C12orf50: variants seen among roughly 807,000 people sequenced by gnomAD.
C12orf50 encodes the protein zinc finger CCCH-type containing 11D.
C12orf50 carries 35 observed loss-of-function variants against 61.6 expected under a neutral mutation model. That is an observed-to-expected ratio of 0.57 (90% confidence interval 0.43 to 0.75). C12orf50 has a LOEUF of 0.75. C12orf50 is among the 30% of genes least tolerant of loss of function. The pLI, the probability that C12orf50 is intolerant of heterozygous loss-of-function variation, is 0.00. For missense variants in C12orf50, 475 were observed against 488.5 expected, an observed-to-expected ratio of 0.97 and a Z score of 0.26; for synonymous variants, 178 against 161.5, an observed-to-expected ratio of 1.10 and a Z score of -0.77.
chr12:88,010,918 T>C (rs1360813179), intron 3 of C12orf50, among the ~76,000 whole-genome samples: 4 of 152,124 alleles, frequency 2.6e-5, no homozygotes, highest in Admixed American at 6.5e-5. Flanking sequence ...TATTATTATA[T>C]CTTCATTGAT....
intron 3 of C12orf50, among the ~76,000 whole-genome samples, chr12:88,016,185 T>G (rs1340892920): frequency 1.3e-5 from 2 of 152,126 alleles, no homozygotes; most frequent in Admixed American, 6.5e-5. Context: ...TTATCTTATT[T>G]TAACCTGAGA....
In C12orf50 at chr12:87,996,519, A is replaced by G. The variant is rs569350425; in HGVS notation, c.368-32T>C. The G allele has an allele frequency of 3.1e-6, 5 of 1,589,444 alleles. No individual in the cohort carries two copies. In the South Asian group the frequency reaches 3.3e-5, roughly 11 times the overall value. The stretch of plus-strand genomic sequence containing the variant: ...AACCATAAGAAAAGTAATGGTTAGT[A>G]TATTTATCACATCAAGTATTAGAAA... On this transcript the variant is annotated intron_variant, in intron 5 of 12. Transcript: ENST00000298699.
At chr12:88,003,741 T>C (rs1270275224) in intron 3 of C12orf50, among the ~76,000 whole-genome samples, 1 of 152,126 alleles carries the variant, frequency 6.6e-6, no homozygotes, top group East Asian at 1.9e-4. Flanking sequence ...AATTTGCCTT[T>C]ATCACTGGTA....
chr12:88,025,001 G>A (rs998361504), intron 3 of C12orf50, among the ~76,000 whole-genome samples: 4 of 152,076 alleles, frequency 2.6e-5, no homozygotes, highest in African/African-American at 7.2e-5. Flanking sequence ...GGAAGGATTT[G>A]GTGACAGCAA....
chr12:88,008,331 C>T (rs1384677198), intron 3 of C12orf50, among the ~76,000 whole-genome samples: 1 of 152,130 alleles, frequency 6.6e-6, no homozygotes, highest in African/African-American at 2.4e-5. Flanking sequence ...TTTTCTGTTA[C>T]TGCATTAGTT....
rs779302447 is a variant in C12orf50, at chr12:87,986,033, G to A, written c.943C>T (p.Gln315Ter). ...MQRAVQAPRPQNKMSYHRNNK... is the reference protein window; with the variant it reads ...MQRAVQAPRP ...TTGCGGTGATAACTCATTTTATTTT[G>A]GGGTCTTGGGGCCTGTACTGCTGTA... is the stretch of plus-strand genomic sequence containing the variant. The change falls in exon 11 of 13, where the codon CAA (glutamine) becomes TAA (stop). Residue 315 changes from glutamine (Q) to a stop codon, truncating the protein, a stop_gained. Coordinates refer to ENST00000298699, the MANE Select transcript of C12orf50 (RefSeq NM_152589.3). LOFTEE classifies it high-confidence loss of function. 1 of 1,613,704 alleles carries A rather than the reference G, an allele frequency of 6.2e-7. No individual in the cohort carries two copies. The highest frequency in any genetic ancestry group is 1.1e-5 in the South Asian group (1 of 91,068).
chr12:88,016,031 TC>T (rs1468915044), intron 3 of C12orf50, among the ~76,000 whole-genome samples: 1 of 152,110 alleles, frequency 6.6e-6, no homozygotes, highest in Non-Finnish European at 1.5e-5. Flanking sequence ...GGCAAGTGCC[TC>T]ATACTGGAAG....
intron 1 of C12orf50, among the ~76,000 whole-genome samples, chr12:88,027,274 A>G (rs1461765427): frequency 1.3e-5 from 2 of 152,250 alleles, no homozygotes; most frequent in Admixed American, 1.3e-4. Flanking sequence ...TCTAATGGTT[A>G]CATAGTACAA....
chr12:88,015,620 T>A (rs930564751), intron 3 of C12orf50, among the ~76,000 whole-genome samples: 1 of 152,212 alleles, frequency 6.6e-6, no homozygotes, highest in Non-Finnish European at 1.5e-5. Context: ...TAACTTCTAG[T>A]GCATACCATA....
At chr12:88,006,081 T>C (rs1007994571) in intron 3 of C12orf50, among the ~76,000 whole-genome samples, 1 of 151,980 alleles carries the variant, frequency 6.6e-6, no homozygotes, top group African/African-American at 2.4e-5. Flanking sequence ...CACGCCCCGC[T>C]AATTTTTTGT....
At chr12:88,018,272 C>T (rs1373676514) in intron 3 of C12orf50, among the ~76,000 whole-genome samples, 1 of 152,188 alleles carries the variant, frequency 6.6e-6, no homozygotes, top group African/African-American at 2.4e-5. Context: ...CAAGATACAG[C>T]TCAGGCCGTG....
intron 1 of C12orf50, chr12:88,027,624 C>A (rs921132677): frequency 6.6e-6 from 1 of 151,910 alleles, no homozygotes; most frequent in African/African-American, 2.4e-5. Context: ...GTGCTTTGTG[C>A]CTTTGGCTTA....
intron 3 of C12orf50, among the ~76,000 whole-genome samples, chr12:88,013,764 T>A (rs2032201385): frequency 6.6e-6 from 1 of 152,212 alleles, no homozygotes; most frequent in Admixed American, 6.5e-5. Context: ...AGTTACAAAA[T>A]GTCTTAAAAA....
At chr12:88,028,684 T>G (rs1340436946) in intron 1 of C12orf50, among the ~76,000 whole-genome samples, 1 of 152,136 alleles carries the variant, frequency 6.6e-6, no homozygotes, top group African/African-American at 2.4e-5. Flanking sequence ...TGAATTCAAC[T>G]ATTTGAATTA....
At position 88,021,136 on chromosome 12, in the gene C12orf50, A is replaced by G. The variant is rs551909986; in HGVS notation, c.133+5352T>C. On this transcript the variant is annotated intron_variant, in intron 3 of 12. Transcript: ENST00000298699. Reference sequence around the variant, plus strand: ...CAACTAGAAGAACTAGAGAAGTAAGAGAAAACCAACCCTAAAGCTGGCAGA... The same window carrying G: ...CAACTAGAAGAACTAGAGAAGTAAGGGAAAACCAACCCTAAAGCTGGCAGA... Among the ~76,000 whole-genome samples, 10 of 152,314 alleles carry G rather than the reference A, an allele frequency of 6.6e-5. No homozygotes were observed. The South Asian group carries it at 1.7e-3, about 25-fold the overall frequency.
At chr12:88,007,431 A>G (rs1298424448) in intron 3 of C12orf50, among the ~76,000 whole-genome samples, 1 of 152,252 alleles carries the variant, frequency 6.6e-6, no homozygotes, top group East Asian at 1.9e-4. Context: ...TAAACAACAG[A>G]AATTTATTTA....
At chr12:87,994,590 T>C (rs2031294976) in intron 7 of C12orf50, 43 bp downstream of exon 7, 1 of 1,279,462 alleles carries the variant, frequency 7.8e-7, no homozygotes, top group Non-Finnish European at 1.1e-6. Flanking sequence ...TCATTTATTA[T>C]GTGGTGATAT....
intron 4 of C12orf50, among the ~76,000 whole-genome samples, chr12:87,997,320 TG>T (rs1468684214): frequency 6.6e-6 from 1 of 152,176 alleles, no homozygotes; most frequent in Non-Finnish European, 1.5e-5. Context: ...GATACACTTG[TG>T]CATCAATGTT....
At chr12:88,013,651 GA>G (rs2032196695) in intron 3 of C12orf50, among the ~76,000 whole-genome samples, 2 of 152,250 alleles carry the variant, frequency 1.3e-5, no homozygotes, top group East Asian at 1.9e-4. Flanking sequence ...ATACAGTAAA[GA>G]AAAAAGAGAA....
Sources: allele counts gnomAD v4.1 joint callset (sites outside exome capture counted in the v4.1 genomes callset), GRCh38; gene constraint gnomAD v4.1.1; transcripts MANE v1.5; gene names NCBI Gene and HGNC (gene_info 2026-07-23, HGNC 2026-07-21).